The following VPS26A variants were observed in gnomAD, a reference collection of about 807,000 sequenced individuals.
The protein encoded by VPS26A is VPS26 retromer complex component A, also known as vacuolar protein sorting-associated protein 26A.
In VPS26A, 22 loss-of-function variants were observed where a neutral mutation model predicts 42.4. The ratio of observed to expected loss-of-function variants is 0.52; its 90% confidence interval spans 0.37 to 0.74. The LOEUF (loss-of-function observed/expected upper bound fraction) is 0.74. VPS26A is among the 30% of genes least tolerant of loss of function. The pLI, the probability that VPS26A is intolerant of heterozygous loss-of-function variation, is 0.00. For missense variants in VPS26A, 276 were observed against 379.2 expected, an observed-to-expected ratio of 0.73 and a Z score of 2.26; for synonymous variants, 110 against 123.5, an observed-to-expected ratio of 0.89 and a Z score of 0.73.
intron 2 of VPS26A, among the ~76,000 whole-genome samples, chr10:69,137,518 T>G (rs1840940807): frequency 6.6e-6 from 1 of 152,232 alleles, no homozygotes; most frequent in South Asian, 2.1e-4. Context: ...AGATCCTTGC[T>G]GAGTGGCCCC....
chr10:69,138,053 C>G (rs1204834108), intron 2 of VPS26A, among the ~76,000 whole-genome samples: 2 of 152,072 alleles, frequency 1.3e-5, no homozygotes, highest in African/African-American at 4.8e-5. Context: ...TCTGACAACC[C>G]CTGATCTCTG....
chr10:69,127,552 C>CAAAA (rs1023422339), intron 1 of VPS26A, among the ~76,000 whole-genome samples: 1 of 112,332 alleles, frequency 8.9e-6, no homozygotes, highest in Non-Finnish European at 1.9e-5. Context: ...GACTCCATCT[C>CAAAA]AAAAAAAAAA....
At chr10:69,162,330 A>C in intron 5 of VPS26A, 76 bp from the exon 6 acceptor site, 1 of 726,710 alleles carries the variant, frequency 1.4e-6, no homozygotes, top group Non-Finnish European at 2.2e-6. Context: ...TGTCTATCAA[A>C]GTCTTTTAGG....
intron 2 of VPS26A, among the ~76,000 whole-genome samples, chr10:69,153,494 C>T (rs560538500): frequency 1.1e-3 from 168 of 149,556 alleles, no homozygotes; most frequent in Non-Finnish European, 1.9e-3. Context: ...CAGGCACACA[C>T]GCCCCAATAC....
intron 1 of VPS26A, among the ~76,000 whole-genome samples, chr10:69,126,367 G>T (rs1208539008): frequency 2.0e-5 from 3 of 152,060 alleles, no homozygotes; most frequent in African/African-American, 4.8e-5. Context: ...ACCTACTCGG[G>T]AGGCGGAAGT....
intron 5 of VPS26A, 24 bp from the exon 6 acceptor site, chr10:69,162,378 TTTAG>T: frequency 8.5e-7 from 1 of 1,177,684 alleles, no homozygotes; most frequent in African/African-American, 1.6e-5. Flanking sequence ...TAAACTGATA[TTTAG>T]TGAGATATGT....
chr10:69,128,842 A>AC lies in VPS26A; in HGVS notation c.4-4056_4-4055insC, dbSNP rs777217053. On this transcript the variant is annotated intron_variant, in intron 1 of 8. Coordinates refer to ENST00000263559, the MANE Select transcript of VPS26A (RefSeq NM_004896.5). Reference sequence around the variant, plus strand: ...GAAACCCTGTCTCTACAAAAAATATAAAAACGAGCCAGGTGTTGTGGCTCA... The same window carrying AC: ...GAAACCCTGTCTCTACAAAAAATATACAAAACGAGCCAGGTGTTGTGGCTCA... Among the ~76,000 whole-genome samples the AC allele has an allele frequency of 3.3e-5, 5 of 151,860 alleles. No individual in the cohort carries two copies. The South Asian group carries it at 1.0e-3, about 32-fold the overall frequency.
intron 7 of VPS26A, among the ~76,000 whole-genome samples, chr10:69,167,630 C>G (rs1589365944): frequency 6.6e-6 from 1 of 150,422 alleles, no homozygotes; most frequent in South Asian, 2.1e-4. Context: ...GTAATCCCAG[C>G]TACTCGGGAG....
intron 7 of VPS26A, among the ~76,000 whole-genome samples, chr10:69,168,258 G>A (rs1249439270): frequency 6.6e-6 from 1 of 152,152 alleles, no homozygotes; most frequent in African/African-American, 2.4e-5. Context: ...TATCTAGTGG[G>A]TAGAGGCCAG....
intron 2 of VPS26A, among the ~76,000 whole-genome samples, chr10:69,135,077 T>TCTAG (rs149316269): frequency 0.021 from 3,143 of 152,290 alleles, 71 homozygotes; most frequent in South Asian, 0.077. Flanking sequence ...GGAATACCAA[T>TCTAG]CTAGCTTTCT....
chr10:69,164,906 T>TA (rs1841652528), intron 6 of VPS26A, among the ~76,000 whole-genome samples: 1 of 151,632 alleles, frequency 6.6e-6, no homozygotes, highest in African/African-American at 2.4e-5. Context: ...TATATAAACT[T>TA]ACTTTCTCCT....
intron 1 of VPS26A, among the ~76,000 whole-genome samples, chr10:69,126,409 A>G (rs1487545795): frequency 6.6e-6 from 1 of 152,122 alleles, no homozygotes; most frequent in Non-Finnish European, 1.5e-5. Context: ...CTCCGTCTCA[A>G]CTAAAAATAA....
chr10:69,147,356 T>A (rs1829697194), intron 2 of VPS26A, among the ~76,000 whole-genome samples: 1 of 152,182 alleles, frequency 6.6e-6, no homozygotes, highest in Non-Finnish European at 1.5e-5. Context: ...CCATTCTGAG[T>A]TCTCTTTCCA....
At chr10:69,171,123 T>A in intron 8 of VPS26A, 33 bp from the exon 9 acceptor site, 2 of 1,534,092 alleles carry the variant, frequency 1.3e-6, no homozygotes, top group South Asian at 2.3e-5. Flanking sequence ...ATATCAAACA[T>A]TAATTTGTTA....
intron 1 of VPS26A, among the ~76,000 whole-genome samples, chr10:69,129,850 A>G (rs1346457636): frequency 6.6e-6 from 1 of 152,228 alleles, no homozygotes; most frequent in Admixed American, 6.5e-5. Context: ...ACATATGTCA[A>G]AAGTACTAAT....
At chr10:69,156,069 AATG>A (rs1355182165) in intron 3 of VPS26A, among the ~76,000 whole-genome samples, 182 bp downstream of exon 3, 5 of 152,222 alleles carry the variant, frequency 3.3e-5, no homozygotes, top group South Asian at 2.1e-4. Context: ...ACTTGTATGA[AATG>A]ATATTTGATA....
At chr10:69,128,996 CAAAAAAA>C (rs60820610) in intron 1 of VPS26A, among the ~76,000 whole-genome samples, 3 of 68,414 alleles carry the variant, frequency 4.4e-5, no homozygotes, top group African/African-American at 1.1e-4. Context: ...GACTCTGTCT[CAAAAAAA>C]AAAAAAAAAA....
At chr10:69,143,237 C>T (rs1294885727) in intron 2 of VPS26A, among the ~76,000 whole-genome samples, 1 of 152,118 alleles carries the variant, frequency 6.6e-6, no homozygotes, top group African/African-American at 2.4e-5. Context: ...GAAGATCTAG[C>T]CTTAACTTTA....
At chr10:69,169,854 C>G (rs1841778201) in intron 8 of VPS26A, among the ~76,000 whole-genome samples, 1 of 152,192 alleles carries the variant, frequency 6.6e-6, no homozygotes, top group Non-Finnish European at 1.5e-5. Flanking sequence ...GGTGATCCGC[C>G]TGCCTCAGCC....
Sources: allele counts gnomAD v4.1 joint callset (sites outside exome capture counted in the v4.1 genomes callset), GRCh38; gene constraint gnomAD v4.1.1; transcripts MANE v1.5; gene names NCBI Gene and HGNC (gene_info 2026-07-23, HGNC 2026-07-21).